The following SBF2 variants were observed in gnomAD, a reference collection of about 807,000 sequenced individuals.
SBF2 encodes the protein SET binding factor 2.
SBF2 carries 112 observed loss-of-function variants against 225.2 expected under a neutral mutation model. The ratio of observed to expected loss-of-function variants is 0.50; its 90% CI spans 0.43 to 0.58. SBF2 has a LOEUF of 0.58. SBF2 is among the 20% of genes least tolerant of loss of function. The probability of loss-of-function intolerance (pLI) is 0.00; values close to 1 mark genes in which losing one functional copy is unlikely to be tolerated. For synonymous variants in SBF2, 763 were observed against 773.3 expected (o/e 0.99, Z 0.22); for missense variants, 1,996 against 2,206.2 (o/e 0.90, Z 1.91).
intron 32 of SBF2, among the ~76,000 whole-genome samples, chr11:9,804,198 G>A (rs1408435579): frequency 6.6e-6 from 1 of 152,142 alleles, no homozygotes; most frequent in Non-Finnish European, 1.5e-5. Flanking sequence ...ACACAACTGG[G>A]TTAGTGGAAA....
intron 6 of SBF2, among the ~76,000 whole-genome samples, chr11:10,014,610 G>A (rs1393568780): frequency 6.7e-6 from 1 of 148,468 alleles, no homozygotes; most frequent in African/African-American, 2.5e-5. Flanking sequence ...ATACTCATAA[G>A]TTACTAAAGT....
At chr11:9,898,902 A>C (rs1166607203) in intron 16 of SBF2, among the ~76,000 whole-genome samples, 1 of 152,208 alleles carries the variant, frequency 6.6e-6, no homozygotes, top group African/African-American at 2.4e-5. Context: ...AAAGGGGCTA[A>C]GGACAGAAAC....
Position 10,240,264 on chromosome 11 carries a change from A to C in SBF2, c.56-46277T>G, listed in dbSNP as rs531262404. ...TATGCATACAATTAAAAGAACAAAA[A>C]AAAAAAAAAAACAGGATAACCTGTT... On this transcript the variant is annotated intron_variant, in intron 1 of 39. Transcript: ENST00000256190. Among the ~76,000 whole-genome samples the C allele has an allele frequency of 5.8e-3, 880 of 150,896 alleles. 13 individuals are homozygous for C. Among genetic ancestry groups the C allele is most frequent in the African/African-American group, 0.02 (807 of 41,308 alleles).
At chr11:9,900,667 C>T (rs1861650099) in intron 16 of SBF2, among the ~76,000 whole-genome samples, 1 of 152,128 alleles carries the variant, frequency 6.6e-6, no homozygotes, top group Non-Finnish European at 1.5e-5. Flanking sequence ...GAGAAAAAGA[C>T]AATTTTATAT....
At position 9,954,279 on chromosome 11, in the gene SBF2, T is replaced by C. The variant is rs567718567; in HGVS notation, c.1860+7678A>G. 6.6e-5 allele frequency among the ~76,000 whole-genome samples: 10 copies of C among 152,298 alleles called. No individual in the cohort carries two copies. In the East Asian group the frequency reaches 1.9e-3, roughly 29 times the overall value. ...AAGTTTTTGAATCACTACCTAAAAA[T>C]TAGTTCATTTAGTTAATGTTTCTTT... On this transcript the variant is annotated intron_variant, in intron 16 of 39. Transcript: ENST00000256190.
intron 1 of SBF2, among the ~76,000 whole-genome samples, chr11:10,270,693 T>A (rs1449685616): frequency 6.6e-6 from 1 of 152,126 alleles, no homozygotes; most frequent in Non-Finnish European, 1.5e-5. Context: ...TATAAACATG[T>A]TTTTAAGAAG....
At chr11:9,951,481 T>C (rs148063002) in intron 16 of SBF2, among the ~76,000 whole-genome samples, 3 of 152,250 alleles carry the variant, frequency 2.0e-5, no homozygotes, top group African/African-American at 4.8e-5. Flanking sequence ...CAAGAGATGG[T>C]AATGCAGATG....
intron 2 of SBF2, among the ~76,000 whole-genome samples, chr11:10,161,803 C>CAA (rs199788037): frequency 0.12 from 16,610 of 139,292 alleles, 1,187 homozygotes; most frequent in East Asian, 0.29. Context: ...TCCTTCTCTA[C>CAA]AAAAAAAAAA....
intron 19 of SBF2, among the ~76,000 whole-genome samples, chr11:9,854,551 G>A (rs1857182665): frequency 6.6e-6 from 1 of 152,126 alleles, no homozygotes. Context: ...CTTTGAGAGA[G>A]CACTGTCATC....
intron 1 of SBF2, among the ~76,000 whole-genome samples, chr11:10,270,818 C>T (rs573984409): frequency 3.0e-4 from 46 of 151,640 alleles, no homozygotes; most frequent in African/African-American, 1.1e-3. Flanking sequence ...ACGCTGAAAC[C>T]CCGTCTCTAC....
In SBF2 at chr11:10,196,851, TA is replaced by T. The variant is rs1565344989; in HGVS notation, c.56-2865del. ...TTTCTTGCATAAATATATATATATA[TA>T]TATATATATATATATTTTTTTTTTC... On this transcript the variant is annotated intron_variant, in intron 1 of 39. Transcript: ENST00000256190. 2.4e-4 allele frequency among the ~76,000 whole-genome samples: 5 copies of T among 20,884 alleles called. 1 individual carries two copies. The highest frequency in any genetic ancestry group is 3.8e-3 in the South Asian group (2 of 530). The allele number at this position is 20,884 out of a possible 152,430, so 13.7% of individuals were successfully genotyped here. A position where few individuals can be genotyped will look rare whatever the true frequency, so the allele number is the denominator to read the frequency against.
At chr11:10,108,035 C>T (rs915184628) in intron 2 of SBF2, among the ~76,000 whole-genome samples, 1 of 152,098 alleles carries the variant, frequency 6.6e-6, no homozygotes, top group African/African-American at 2.4e-5. Flanking sequence ...GTGGTACTGG[C>T]TTCATGGATA....
At chr11:9,838,663 T>C (rs1855891887) in intron 26 of SBF2, 1 of 152,216 alleles carries the variant, frequency 6.6e-6, no homozygotes, top group African/African-American at 2.4e-5. Flanking sequence ...GGGTTGAAAG[T>C]AACATTAAGA....
chr11:10,114,773 T>C (rs1359681578), intron 2 of SBF2, among the ~76,000 whole-genome samples: 1 of 152,248 alleles, frequency 6.6e-6, no homozygotes, highest in African/African-American at 2.4e-5. Flanking sequence ...TGTTTCACAG[T>C]CTCTTTGAAG....
intron 3 of SBF2, among the ~76,000 whole-genome samples, chr11:10,037,525 A>G (rs16907414): frequency 0.053 from 8,045 of 152,100 alleles, 298 homozygotes; most frequent in Middle Eastern, 0.16. Flanking sequence ...GGTTTTTCCA[A>G]TGAGATATTC....
In SBF2 at chr11:9,832,327, T is replaced by C. The variant is rs1256935535; in HGVS notation, c.3549A>G (p.Val1183=). 1 of 1,613,998 alleles carries C rather than the reference T, an allele frequency of 6.2e-7. No homozygotes were observed. Among genetic ancestry groups the C allele is most frequent in the East Asian group, 2.2e-5 (1 of 44,890 alleles). Residue 1183 remains valine (V), a synonymous_variant, in exon 27 of 40, where the codon GTA becomes GTG. Coordinates refer to ENST00000256190, the MANE Select transcript of SBF2 (RefSeq NM_030962.4). ...RCYRHNRLPV[V]CWKNSRSGTL... The stretch of plus-strand genomic sequence containing the variant: ...TACCACTTCTTGAGTTCTTCCAACA[T>C]ACAACAGGCAGGCGATTGTGTCGAT...
intron 2 of SBF2, among the ~76,000 whole-genome samples, chr11:10,119,324 ATAAAG>A (rs1305214880): frequency 1.3e-5 from 2 of 152,160 alleles, no homozygotes; most frequent in African/African-American, 2.4e-5. Flanking sequence ...AGTATAAAGA[ATAAAG>A]TAGAGACAAT....
chr11:10,236,444 C>G (rs1207325047), intron 1 of SBF2, among the ~76,000 whole-genome samples: 1 of 152,114 alleles, frequency 6.6e-6, no homozygotes, highest in Non-Finnish European at 1.5e-5. Flanking sequence ...GCCTAGACAA[C>G]AGAGCGAGTC....
At chr11:10,280,897 T>C (rs965890248) in intron 1 of SBF2, among the ~76,000 whole-genome samples, 3 of 152,186 alleles carry the variant, frequency 2.0e-5, no homozygotes, top group Admixed American at 6.5e-5. Context: ...TGGACAGATA[T>C]AGATTATGTG....
Sources: gnomAD v4.1 joint callset for allele counts (sites outside exome capture counted in the v4.1 genomes callset) on GRCh38, gnomAD v4.1.1 for gene constraint, MANE v1.5 for transcripts, NCBI Gene and HGNC (gene_info 2026-07-23, HGNC 2026-07-21) for gene names.